GAPVD1: variants seen among roughly 807,000 people sequenced by gnomAD.
GAPVD1 encodes GTPase-activating protein and VPS9 domain-containing protein 1.
In GAPVD1, 35 loss-of-function variants were observed where a neutral mutation model predicts 155.5. That is an observed-to-expected ratio of 0.23 (90% CI 0.17 to 0.30). GAPVD1 has a LOEUF of 0.30. Among genes scored for constraint, GAPVD1 ranks in the 10% least tolerant of loss-of-function variants. The probability of loss-of-function intolerance (pLI) is 1.00; values close to 1 mark genes in which losing one functional copy is unlikely to be tolerated. For synonymous variants in GAPVD1, 636 were observed against 619.7 expected, an observed-to-expected ratio of 1.03 and a Z score of -0.39; for missense variants, 1,429 against 1,775.7, an observed-to-expected ratio of 0.80 and a Z score of 3.51.
chr9:125,345,574 G>A (rs1848407899), intron 19 of GAPVD1, among the ~76,000 whole-genome samples: 1 of 152,164 alleles, frequency 6.6e-6, no homozygotes, highest in Non-Finnish European at 1.5e-5. Flanking sequence ...GTCAACTGCA[G>A]TTTACTACAA....
chr9:125,310,243 G>A (rs920125842), intron 8 of GAPVD1, among the ~76,000 whole-genome samples: 1 of 152,136 alleles, frequency 6.6e-6, no homozygotes, highest in African/African-American at 2.4e-5. Flanking sequence ...ATAAAGGTAT[G>A]AGTAGGCCTA....
intron 26 of GAPVD1, among the ~76,000 whole-genome samples, chr9:125,360,078 A>G (rs1162075279): frequency 1.3e-5 from 2 of 152,230 alleles, no homozygotes; most frequent in Admixed American, 1.3e-4. Flanking sequence ...TTACTGCAAC[A>G]ATGGTACATA....
chr9:125,356,002 C>A, intron 25 of GAPVD1, 145 bp downstream of exon 25: 1 of 623,482 alleles, frequency 1.6e-6, no homozygotes, highest in Non-Finnish European at 2.9e-6. Context: ...GTCAGAGTTA[C>A]ATGATCACAA....
chr9:125,327,529 G>A lies in GAPVD1; in HGVS notation c.2032+940G>A, dbSNP rs115124758. 9.5e-3 allele frequency among the ~76,000 whole-genome samples: 1,443 copies of A among 151,960 alleles called. 26 individuals carry two copies. The highest frequency in any genetic ancestry group is 0.033 in the African/African-American group (1,369 of 41,430). On this transcript the variant is annotated intron_variant, in intron 12 of 27. Coordinates refer to ENST00000297933, the MANE Select transcript of GAPVD1 (RefSeq NM_001282680.3). The stretch of plus-strand genomic sequence containing the variant: ...TTTTGTTTTTTTAATTTAAGATAGA[G>A]TCTTACTCTGTCGCCCAGGCTGGAG...
Position 125,362,908 on chromosome 9 carries a change from A to G in GAPVD1, c.*162A>G. The G allele has an allele frequency of 4.2e-6, 2 of 476,722 alleles. No homozygotes were observed. Among genetic ancestry groups the G allele is most frequent in the Non-Finnish European group, 7.1e-6 (2 of 280,362 alleles). The allele number at this position is 476,722 out of a possible 1,614,324, so 29.5% of individuals were successfully genotyped here. A position where few individuals can be genotyped will look rare whatever the true frequency, so the allele number is the denominator to read the frequency against. ...TACTAAACAGGTTAATGAGCTAACA[A>G]GCAGGTTCTCTCGTCTTTGGGCTCT... On this transcript the variant is annotated 3_prime_UTR_variant, in exon 28 of 28. Coordinates refer to ENST00000297933, the MANE Select transcript of GAPVD1 (RefSeq NM_001282680.3).
chr9:125,272,303 T>C (rs1158276804), intron 2 of GAPVD1, among the ~76,000 whole-genome samples: 6 of 152,208 alleles, frequency 3.9e-5, no homozygotes, highest in Non-Finnish European at 5.9e-5. Flanking sequence ...ATTACAGGCG[T>C]GAACCTCCGC....
chr9:125,353,404 C>G (rs10117995), intron 23 of GAPVD1, among the ~76,000 whole-genome samples: 67,690 of 152,026 alleles, frequency 0.45, 15,510 homozygotes, highest in Middle Eastern at 0.53. Context: ...AAGTTCCATA[C>G]TTTCCCACAT....
intron 2 of GAPVD1, among the ~76,000 whole-genome samples, chr9:125,276,841 C>G (rs1356250164): frequency 1.3e-5 from 2 of 152,152 alleles, no homozygotes; most frequent in East Asian, 1.9e-4. Flanking sequence ...TCACAGCAGC[C>G]TCAAACTCAT....
intron 2 of GAPVD1, among the ~76,000 whole-genome samples, chr9:125,283,734 C>T (rs1837177989): frequency 6.6e-6 from 1 of 152,068 alleles, no homozygotes; most frequent in Admixed American, 6.6e-5. Flanking sequence ...TTCTCAATAG[C>T]AAAAACTTGA....
chr9:125,301,591 G>C (rs1444920069), intron 4 of GAPVD1, among the ~76,000 whole-genome samples: 1 of 151,928 alleles, frequency 6.6e-6, no homozygotes, highest in Non-Finnish European at 1.5e-5. Flanking sequence ...TGGGATTATA[G>C]GTGCCTGCCA....
chr9:125,333,983 C>T (rs1846483209), intron 15 of GAPVD1, among the ~76,000 whole-genome samples: 1 of 152,078 alleles, frequency 6.6e-6, no homozygotes, highest in Non-Finnish European at 1.5e-5. Context: ...CGAAAAATGT[C>T]TCTAGACATT....
intron 5 of GAPVD1, chr9:125,304,047 G>A (rs1841394849): frequency 6.6e-6 from 1 of 151,982 alleles, no homozygotes; most frequent in South Asian, 2.1e-4. Context: ...ACATGAAACA[G>A]TAGGTTTTTT....
chr9:125,342,210 A>G lies in GAPVD1; in HGVS notation c.2966-9A>G. ...ATATGTCACACTACTGACTTTATTT[A>G]ATTTCCAGCTCCTATACCATTTAGA... On this transcript the variant is annotated splice_polypyrimidine_tract_variant and intron_variant, in intron 18 of 27. Transcript: ENST00000297933. 5 of 1,406,770 alleles carry G rather than the reference A, an allele frequency of 3.6e-6. No homozygotes were observed. The highest frequency in any genetic ancestry group is 1.2e-5 in the South Asian group (1 of 86,838). 87.1% of individuals were successfully genotyped at this position (1,406,770 alleles called of 1,614,324 possible). A position where few individuals can be genotyped will look rare whatever the true frequency, so the allele number is the denominator to read the frequency against.
chr9:125,296,724 C>T (rs999678674), intron 3 of GAPVD1, among the ~76,000 whole-genome samples: 6 of 144,488 alleles, frequency 4.2e-5, no homozygotes, highest in African/African-American at 1.3e-4. Flanking sequence ...TGCAGTGGTG[C>T]GATTTCAGCT....
chr9:125,348,485 A>G (rs931638180), intron 20 of GAPVD1, among the ~76,000 whole-genome samples: 2 of 151,768 alleles, frequency 1.3e-5, no homozygotes, highest in Non-Finnish European at 2.9e-5. Context: ...GATTGTATAC[A>G]TGTATGTGTT....
rs1296087809 is a variant in GAPVD1 at position 125,336,310 on chromosome 9, A to AC, written c.2429-708_2429-707insC. On this transcript the variant is annotated intron_variant, in intron 15 of 27. Coordinates refer to ENST00000297933, the MANE Select transcript of GAPVD1 (RefSeq NM_001282680.3). ...GAGACCAAAAAAAAAAAAAAACAAAAAACAAAAAATAGCTTCAGACTAAAA... is the reference window on the plus strand; with the variant it reads ...GAGACCAAAAAAAAAAAAAAACAAAACAACAAAAAATAGCTTCAGACTAAAA... 3.4e-4 allele frequency among the ~76,000 whole-genome samples: 52 copies of AC among 151,740 alleles called. No homozygotes were observed. The South Asian group carries it at 7.5e-3, about 22-fold the overall frequency.
Position 125,354,769 on chromosome 9 carries a change from C to A in GAPVD1, c.3685C>A (p.Arg1229=). ...TTTGCGGGACAAAGAAGTGGCCAAT[C>A]GATACTTTACCACTGTCTGTGTGAG... is the stretch of plus-strand genomic sequence containing the variant. The part of the protein sequence containing the change: ...RVLRDKEVAN[R]YFTTVCVRLL... The change falls in exon 24 of 28, where the codon CGA becomes AGA. Residue 1229 remains arginine, a synonymous_variant. Coordinates refer to ENST00000297933, the MANE Select transcript of GAPVD1 (RefSeq NM_001282680.3). The A allele has an allele frequency of 6.2e-7, 1 of 1,613,482 alleles. No homozygotes were observed. Among genetic ancestry groups the A allele is most frequent in the Non-Finnish European group, 8.5e-7 (1 of 1,179,434 alleles).
In GAPVD1 at chr9:125,355,743, A is replaced by G. The variant is rs1226025008; in HGVS notation, c.3857A>G (p.Asn1286Ser). Residue 1286 changes from asparagine (N) to serine (S), a missense_variant, in exon 25 of 28, where the codon AAC (asparagine) becomes AGC (serine). Transcript: ENST00000297933. ...ATGGCCCAGGATGTCATATGGCAAA[A>G]CGCGAGTGAAGAACAGCTTCAAGAT... is the stretch of plus-strand genomic sequence containing the variant. The part of the protein sequence containing the change: ...GAMAQDVIWQ[N>S]ASEEQLQDAQ... 1.2e-6 allele frequency: 2 copies of G among 1,613,384 alleles called. No individual in the cohort carries two copies. Among genetic ancestry groups the G allele is most frequent in the Middle Eastern group, 1.7e-4 (1 of 6,054 alleles).
rs746920891 is a variant in GAPVD1, at chr9:125,337,314, A to G, written c.2600A>G (p.Asn867Ser). The G allele has an allele frequency of 1.9e-6, 3 of 1,614,096 alleles. No individual in the cohort carries two copies. Among genetic ancestry groups the G allele is most frequent in the Non-Finnish European group, 2.5e-6 (3 of 1,180,046 alleles). Reference protein sequence around the residue: ...PPILEGAVGGNEARLPNFGSH... With the variant: ...PPILEGAVGGSEARLPNFGSH... ...ATCCTGGAAGGAGCTGTGGGAGGAAATGAGGCCAGGTTGCCAAACTTTGGT... is the reference window on the plus strand; with the variant it reads ...ATCCTGGAAGGAGCTGTGGGAGGAAGTGAGGCCAGGTTGCCAAACTTTGGT... The change falls in exon 17 of 28, where the codon AAT (asparagine) becomes AGT (serine). Residue 867 changes from asparagine to serine, a missense_variant. Coordinates refer to ENST00000297933, the MANE Select transcript of GAPVD1 (RefSeq NM_001282680.3).
Sources: allele counts gnomAD v4.1 joint callset (sites outside exome capture counted in the v4.1 genomes callset), GRCh38; gene constraint gnomAD v4.1.1; transcripts MANE v1.5; gene names NCBI Gene and HGNC (gene_info 2026-07-23, HGNC 2026-07-21).